Variants in NKAIN2 observed in about 807,000 individuals in gnomAD.
The protein encoded by NKAIN2 is sodium/potassium-transporting ATPase subunit beta-1-interacting protein 2.
A neutral mutation model predicts 32.6 loss-of-function variants in NKAIN2; 14 were observed. That is an observed-to-expected ratio of 0.43 (90% CI 0.28 to 0.67). NKAIN2 has a LOEUF of 0.67. Ranked by LOEUF, NKAIN2 falls within the 30% of genes least tolerant of loss-of-function variation. NKAIN2 has a pLI of 0.17. For missense variants in NKAIN2, 198 were observed against 258.3 expected (o/e 0.77, Z 1.60); for synonymous variants, 80 against 87.2 (o/e 0.92, Z 0.46).
At chr6:124,594,649 G>T (rs1782020387) in intron 3 of NKAIN2, among the ~76,000 whole-genome samples, 1 of 152,108 alleles carries the variant, frequency 6.6e-6, no homozygotes, top group Admixed American at 6.5e-5. Context: ...GTTGGGAGAG[G>T]AATGAGACAG....
At chr6:124,642,156 G>A (rs967999766) in intron 3 of NKAIN2, among the ~76,000 whole-genome samples, 1 of 152,206 alleles carries the variant, frequency 6.6e-6, no homozygotes, top group Non-Finnish European at 1.5e-5. Context: ...ATTTTTTAGT[G>A]GGTAGATATA....
chr6:124,289,422 T>A (rs1300900078), intron 2 of NKAIN2, among the ~76,000 whole-genome samples: 1 of 119,230 alleles, frequency 8.4e-6, no homozygotes, highest in East Asian at 2.5e-4. Context: ...TGGTAAAGGA[T>A]CCCCATGGCA....
At chr6:124,527,823 A>C (rs1006511452) in intron 3 of NKAIN2, among the ~76,000 whole-genome samples, 1 of 152,124 alleles carries the variant, frequency 6.6e-6, no homozygotes, top group African/African-American at 2.4e-5. Context: ...ATACAGGATA[A>C]GTGGAGGTTG....
At chr6:124,115,906 TG>T (rs1785588116) in intron 1 of NKAIN2, among the ~76,000 whole-genome samples, 1 of 152,076 alleles carries the variant, frequency 6.6e-6, no homozygotes, top group Admixed American at 6.6e-5. Context: ...TGAATAATGT[TG>T]GTGTCTTAGT....
At chr6:124,472,142 C>A (rs1777000709) in intron 3 of NKAIN2, among the ~76,000 whole-genome samples, 2 of 152,064 alleles carry the variant, frequency 1.3e-5, no homozygotes, top group Non-Finnish European at 2.9e-5. Flanking sequence ...ATACATTTTA[C>A]TGATAACATC....
At position 124,191,286 on chromosome 6, in the gene NKAIN2, T is replaced by A. The variant is rs551956620; in HGVS notation, c.55-91719T>A. 5.3e-5 allele frequency among the ~76,000 whole-genome samples: 8 copies of A among 152,304 alleles called. No homozygotes were observed. The South Asian group carries it at 1.0e-3, about 20-fold the overall frequency. On this transcript the variant is annotated intron_variant, in intron 1 of 6. Transcript: ENST00000368417. ...TATTCTTGTCTTTTAAACATTTCTA[T>A]CAGTAATGTTTTGTAGTTTCTGTGT...
intron 1 of NKAIN2, among the ~76,000 whole-genome samples, chr6:123,960,859 A>G (rs941894702): frequency 5.9e-5 from 9 of 151,580 alleles, no homozygotes; most frequent in Non-Finnish European, 8.8e-5. Context: ...GGGGGCTACA[A>G]TTGCACTTGT....
At chr6:124,496,829 T>C (rs1361537938) in intron 3 of NKAIN2, among the ~76,000 whole-genome samples, 1 of 152,162 alleles carries the variant, frequency 6.6e-6, no homozygotes, top group Middle Eastern at 3.2e-3. Context: ...AGATAGGGTT[T>C]AGACTTCCAT....
At chr6:124,689,176 A>C (rs1774140885) in intron 4 of NKAIN2, among the ~76,000 whole-genome samples, 1 of 152,074 alleles carries the variant, frequency 6.6e-6, no homozygotes. Context: ...GCATTGTAAA[A>C]AGCGTGTAGA....
intron 3 of NKAIN2, among the ~76,000 whole-genome samples, chr6:124,490,745 A>G (rs1777830940): frequency 6.6e-6 from 1 of 151,798 alleles, no homozygotes. Context: ...AATTGATAGT[A>G]TTTAGTAAAA....
chr6:124,053,585 A>C (rs2114839216), intron 1 of NKAIN2, among the ~76,000 whole-genome samples: 1 of 152,150 alleles, frequency 6.6e-6, no homozygotes, highest in South Asian at 2.1e-4. Context: ...ATCTTGTTTA[A>C]GCAGTGCTCT....
intron 1 of NKAIN2, among the ~76,000 whole-genome samples, chr6:124,242,127 A>G (rs1226719274): frequency 6.6e-6 from 1 of 152,194 alleles, no homozygotes; most frequent in Non-Finnish European, 1.5e-5. Flanking sequence ...AAAATGGGAG[A>G]AAATGTTTGC....
At chr6:124,026,999 T>C (rs1781140404) in intron 1 of NKAIN2, among the ~76,000 whole-genome samples, 1 of 152,148 alleles carries the variant, frequency 6.6e-6, no homozygotes, top group Non-Finnish European at 1.5e-5. Context: ...TTTTCTTCCC[T>C]GGGGCTCCCT....
In NKAIN2 at chr6:123,873,546, A is replaced by G. The variant is rs1198467673; in HGVS notation, c.54+69292A>G. ...TTTTGAAGGTTTCTCTGAAGTGTGT[A>G]TGCAAAATGCAGGCGAGAGGAGAGA... On this transcript the variant is annotated intron_variant, in intron 1 of 6. Coordinates refer to ENST00000368417, the MANE Select transcript of NKAIN2 (RefSeq NM_001040214.3). Among the ~76,000 whole-genome samples, 3 of 152,196 alleles carry G rather than the reference A, an allele frequency of 2.0e-5. No individual in the cohort carries two copies. The East Asian group carries it at 5.8e-4, about 29-fold the overall frequency.
In NKAIN2 at chr6:124,026,378, T is replaced by C. The variant is rs543519717; in HGVS notation, c.54+222124T>C. On this transcript the variant is annotated intron_variant, in intron 1 of 6. Transcript: ENST00000368417. Reference sequence around the variant, plus strand: ...AATTAGTGAATTGCAGGGCTGTCTATTTCCATAGTAGCTCAGTTGATTGTT... The same window carrying C: ...AATTAGTGAATTGCAGGGCTGTCTACTTCCATAGTAGCTCAGTTGATTGTT... Among the ~76,000 whole-genome samples the C allele has an allele frequency of 2.6e-5, 4 of 151,928 alleles. No individual in the cohort carries two copies. The South Asian group carries it at 8.3e-4, about 32-fold the overall frequency.
chr6:124,351,901 C>G (rs1161315168), intron 2 of NKAIN2, among the ~76,000 whole-genome samples: 1 of 151,990 alleles, frequency 6.6e-6, no homozygotes, highest in Non-Finnish European at 1.5e-5. Flanking sequence ...TATTACAGGC[C>G]TGAGCCACCG....
At chr6:123,962,008 T>G (rs1418283707) in intron 1 of NKAIN2, among the ~76,000 whole-genome samples, 1 of 152,302 alleles carries the variant, frequency 6.6e-6, no homozygotes, top group South Asian at 2.1e-4. Flanking sequence ...ATAGTTTAGA[T>G]GTTCATCTTG....
chr6:124,747,664 T>C (rs907753938), intron 4 of NKAIN2, among the ~76,000 whole-genome samples: 5 of 151,752 alleles, frequency 3.3e-5, no homozygotes, highest in African/African-American at 1.2e-4. Context: ...AAATCTTTCA[T>C]TGATGGGATG....
chr6:123,857,891 T>A (rs1775618117), intron 1 of NKAIN2, among the ~76,000 whole-genome samples: 1 of 150,340 alleles, frequency 6.7e-6, no homozygotes, highest in South Asian at 2.1e-4. Context: ...ATTTGAAGAG[T>A]GAGAATGACA....
Sources: allele counts gnomAD v4.1 joint callset (sites outside exome capture counted in the v4.1 genomes callset), GRCh38; gene constraint gnomAD v4.1.1; transcripts MANE v1.5; gene names NCBI Gene and HGNC (gene_info 2026-07-23, HGNC 2026-07-21).